Variants in TUBGCP3 observed in about 807,000 individuals in gnomAD.
TUBGCP3 encodes the protein gamma-tubulin complex component 3.
TUBGCP3 carries 50 observed loss-of-function variants against 123.1 expected under a neutral mutation model. The ratio of observed to expected loss-of-function variants is 0.41; its 90% confidence interval spans 0.32 to 0.51. The LOEUF (loss-of-function observed/expected upper bound fraction) is 0.51, where lower values mean the gene tolerates loss of function less well. Among genes scored for constraint, TUBGCP3 ranks in the 20% least tolerant of loss-of-function variants. The probability of loss-of-function intolerance (pLI) is 0.36; values close to 1 mark genes in which losing one functional copy is unlikely to be tolerated. For missense variants in TUBGCP3, 882 were observed against 1,127.0 expected (o/e 0.78, Z 3.11); for synonymous variants, 405 against 413.9 (o/e 0.98, Z 0.26).
At chr13:112,535,331 G>C (rs9577782) in intron 11 of TUBGCP3, among the ~76,000 whole-genome samples, 2 of 152,048 alleles carry the variant, frequency 1.3e-5, no homozygotes, top group East Asian at 3.9e-4. Flanking sequence ...GGGTCACATG[G>C]TAAATCCATA....
chr13:112,499,085 C>A lies in TUBGCP3; in HGVS notation c.2408G>T (p.Arg803Leu), dbSNP rs1241249725. The change falls in exon 20 of 22, where the codon CGA (arginine) becomes CTA (leucine). Residue 803 changes from arginine (R) to leucine (L), a missense_variant. Arg to Leu is a moderately radical substitution (Grantham distance 102). Transcript: ENST00000261965. ...TTTCTTTTTCTCTTCAAACTGTAAT[C>A]GTCTCTGCAATTCTTCCAGAGCAGC... ...YRAALEELQR[R>L]LQFEEKKKQR... The A allele has an allele frequency of 6.2e-7, 1 of 1,614,138 alleles. No homozygotes were observed. Among genetic ancestry groups the A allele is most frequent in the East Asian group, 2.2e-5 (1 of 44,874 alleles).
At chr13:112,517,706 T>C (rs1012162683) in intron 16 of TUBGCP3, among the ~76,000 whole-genome samples, 2 of 151,924 alleles carry the variant, frequency 1.3e-5, no homozygotes, top group African/African-American at 4.8e-5. Context: ...GCCTGGCCAA[T>C]ATGGTGAAAC....
rs149797352 is a variant in TUBGCP3 at position 112,573,011 on chromosome 13, G to A, written c.77-3752C>T. Reference sequence around the variant, plus strand: ...AATGCTGCCCTAGCCAAGACCTTCCGACAACTCCACTCTTAAAGATGAAAA... The same window carrying A: ...AATGCTGCCCTAGCCAAGACCTTCCAACAACTCCACTCTTAAAGATGAAAA... On this transcript the variant is annotated intron_variant, in intron 1 of 21. Coordinates refer to ENST00000261965, the MANE Select transcript of TUBGCP3 (RefSeq NM_006322.6). 1.6e-4 allele frequency among the ~76,000 whole-genome samples: 24 copies of A among 151,758 alleles called. No homozygotes were observed. In the East Asian group the frequency reaches 2.1e-3, roughly 13 times the overall value.
chr13:112,569,320 A>G, intron 1 of TUBGCP3, 61 bp from the exon 2 acceptor site: 1 of 1,519,910 alleles, frequency 6.6e-7, no homozygotes, highest in Non-Finnish European at 9.1e-7. Context: ...GGTCACCTGA[A>G]GCTTCCAGTT....
intron 5 of TUBGCP3, among the ~76,000 whole-genome samples, chr13:112,557,438 T>A (rs560245514): frequency 1.3e-5 from 2 of 152,366 alleles, no homozygotes; most frequent in Non-Finnish European, 2.9e-5. Context: ...GAAAACACCA[T>A]TTATTTGATG....
At chr13:112,598,275 A>G in the TUBGCP3 span, among the ~76,000 whole-genome samples, 5 of 151,852 alleles carry the variant, frequency 3.3e-5, no homozygotes, top group Non-Finnish European at 5.9e-5. Context: ...ATTTACCACC[A>G]GCAGATTTAT....
chr13:112,523,487 A>G (rs919851679), intron 13 of TUBGCP3, among the ~76,000 whole-genome samples: 3 of 152,220 alleles, frequency 2.0e-5, no homozygotes, highest in African/African-American at 7.2e-5. Flanking sequence ...AAGAAACTGT[A>G]GTTATCTGAG....
chr13:112,600,515 G>A, the TUBGCP3 span, among the ~76,000 whole-genome samples: 3 of 152,090 alleles, frequency 2.0e-5, no homozygotes, highest in Non-Finnish European at 2.9e-5. Context: ...TATCTTTCAG[G>A]AAAATGTCAT....
chr13:112,556,313 T>G, intron 5 of TUBGCP3, 89 bp from the exon 6 acceptor site: 2 of 1,244,394 alleles, frequency 1.6e-6, no homozygotes, highest in Non-Finnish European at 2.3e-6. Context: ...ATTACTATCG[T>G]GAATTACATA....
At chr13:112,579,395 G>A (rs1441152032) in intron 1 of TUBGCP3, among the ~76,000 whole-genome samples, 1 of 146,648 alleles carries the variant, frequency 6.8e-6, no homozygotes, top group Non-Finnish European at 1.5e-5. Context: ...GGCATCCCTG[G>A]GGCTCTCGCA....
intron 20 of TUBGCP3, among the ~76,000 whole-genome samples, chr13:112,495,863 C>T (rs529187224): frequency 3.9e-5 from 6 of 152,204 alleles, no homozygotes; most frequent in East Asian, 3.9e-4. Context: ...GAGAGCCTTA[C>T]GGGAGCACTT....
At chr13:112,487,786 T>G (rs1324638672) in intron 21 of TUBGCP3, among the ~76,000 whole-genome samples, 1 of 152,098 alleles carries the variant, frequency 6.6e-6, no homozygotes, top group Admixed American at 6.5e-5. Context: ...TAAGACCACT[T>G]GTAAAAGGGA....
Position 112,547,647 on chromosome 13 carries a change from G to A in TUBGCP3, c.1141C>T (p.Leu381Phe). ...TGGCAGTGGTCCACTAGGGCCGCAA[G>A]GGTCTTCAGTCGTATTTTGGGATCA... Reference protein sequence around the residue: ...TYDPKIRLKTLAALVDHCQGR... With the variant: ...TYDPKIRLKTFAALVDHCQGR... Residue 381 changes from leucine (L) to phenylalanine (F), a missense_variant, in exon 10 of 22, where the codon CTT (leucine) becomes TTT (phenylalanine). By Grantham distance (22) the Leu-to-Phe change is conservative. Around this residue, in one of 3 missense-constraint regions of TUBGCP3, gnomAD observed 713 missense variants for 874.0 expected, o/e 0.82. Coordinates refer to ENST00000261965, the MANE Select transcript of TUBGCP3 (RefSeq NM_006322.6). 4 of 1,570,080 alleles carry A rather than the reference G, an allele frequency of 2.5e-6. No homozygotes were observed. The highest frequency in any genetic ancestry group is 3.5e-6 in the Non-Finnish European group (4 of 1,154,358).
At chr13:112,558,481 G>A in intron 4 of TUBGCP3, 68 bp from the exon 5 acceptor site, 2 of 1,329,806 alleles carry the variant, frequency 1.5e-6, no homozygotes, top group South Asian at 1.8e-5. Context: ...ACCTAAAAAG[G>A]TCATTTATAT....
In TUBGCP3 at chr13:112,526,993, G is replaced by C. The variant is rs988596835; in HGVS notation, c.1504C>G (p.Pro502Ala). 1 of 1,614,018 alleles carries C rather than the reference G, an allele frequency of 6.2e-7. No individual in the cohort carries two copies. The highest frequency in any genetic ancestry group is 1.3e-5 in the African/African-American group (1 of 74,916). Reference protein sequence around the residue: ...FLHQVCHDQTPTTKMIAVTKS... With the variant: ...FLHQVCHDQTATTKMIAVTKS... Reference sequence around the variant, plus strand: ...GTCACAGCTATCATCTTTGTAGTGGGAGTCTGATCATGACAAACTTGGTGC... The same window carrying C: ...GTCACAGCTATCATCTTTGTAGTGGCAGTCTGATCATGACAAACTTGGTGC... The change falls in exon 13 of 22, where the codon CCC (proline) becomes GCC (alanine). Residue 502 changes from proline (P) to alanine (A), a missense_variant. By Grantham distance (27) the Pro-to-Ala change is conservative. Coordinates refer to ENST00000261965, the MANE Select transcript of TUBGCP3 (RefSeq NM_006322.6).
intron 2 of TUBGCP3, among the ~76,000 whole-genome samples, chr13:112,568,631 G>T (rs1305326937): frequency 6.6e-6 from 1 of 152,250 alleles, no homozygotes; most frequent in East Asian, 1.9e-4. Context: ...GTTTAACGGG[G>T]AGGCCCCAGC....
the TUBGCP3 span, among the ~76,000 whole-genome samples, chr13:112,594,406 T>C: frequency 6.6e-6 from 1 of 152,164 alleles, no homozygotes; most frequent in Non-Finnish European, 1.5e-5. Context: ...GAAAAAGCAT[T>C]TGACAAAACC....
chr13:112,559,678 A>G (rs1274573633), intron 3 of TUBGCP3, among the ~76,000 whole-genome samples: 2 of 152,252 alleles, frequency 1.3e-5, no homozygotes, highest in Non-Finnish European at 2.9e-5. Flanking sequence ...CTATTCCTGA[A>G]TAACAGTATC....
intron 9 of TUBGCP3, 117 bp from the exon 10 acceptor site, chr13:112,547,869 T>G (rs1429808343): frequency 1.4e-5 from 17 of 1,228,782 alleles, no homozygotes; most frequent in Non-Finnish European, 1.8e-5. Flanking sequence ...GAAGCCAAAG[T>G]CCCCTTTAAA....
Sources: allele counts gnomAD v4.1 joint callset (sites outside exome capture counted in the v4.1 genomes callset), GRCh38; gene constraint gnomAD v4.1.1; regional missense constraint gnomAD v4.1.1; transcripts MANE v1.5; gene names NCBI Gene and HGNC (gene_info 2026-07-23, HGNC 2026-07-21).